NDRG2: variants seen among roughly 807,000 people sequenced by gnomAD.
The protein encoded by NDRG2 is NDRG family member 2, also known as protein NDRG2.
NDRG2 carries 34 observed loss-of-function variants against 58.2 expected under a neutral mutation model. That is an observed-to-expected ratio of 0.58 (90% confidence interval 0.44 to 0.78). The LOEUF is 0.78. Ranked by LOEUF, NDRG2 falls within the 30% of genes least tolerant of loss-of-function variation. NDRG2 has a pLI of 0.00. For missense variants in NDRG2, 434 were observed against 471.2 expected, an observed-to-expected ratio of 0.92 and a Z score of 0.73; for synonymous variants, 187 against 175.9, an observed-to-expected ratio of 1.06 and a Z score of -0.50.
At chr14:21,023,004 A>G (rs1291684392) in intron 2 of NDRG2, 99 bp from the exon 3 acceptor site, 1 of 1,349,920 alleles carries the variant, frequency 7.4e-7, no homozygotes. Flanking sequence ...AGACAGACCA[A>G]CAAATGACCA....
chr14:21,033,903 A>C (rs1485616079), intron 1 of NDRG2: 2 of 1,614,044 alleles, frequency 1.2e-6, no homozygotes, highest in South Asian at 1.1e-5. Flanking sequence ...CTGGTTGGTT[A>C]GGGTGCTATT....
In NDRG2 at chr14:21,064,532, C is replaced by T. The variant is rs529147040; in HGVS notation, c.24+6296G>A. On this transcript the variant is annotated intron_variant, in intron 1 of 14. Transcript: ENST00000403829. ...GGCCAGGCTCGTCTTGAACTCCTGA[C>T]CTCAGGTGACCCGCCCACCTCGGCC... 1.6e-4 allele frequency among the ~76,000 whole-genome samples: 24 copies of T among 152,262 alleles called. No homozygotes were observed. The South Asian group carries it at 5.0e-3, about 32-fold the overall frequency.
intron 1 of NDRG2, chr14:21,031,394 T>C (rs1021905656): frequency 9.3e-6 from 5 of 536,434 alleles, no homozygotes; most frequent in African/African-American, 5.8e-5. Flanking sequence ...TCCAAGTGTC[T>C]AGTATCTGAG....
intron 1 of NDRG2, among the ~76,000 whole-genome samples, chr14:21,037,469 A>G (rs1261795): frequency 0.32 from 48,065 of 152,214 alleles, 7,680 homozygotes; most frequent in East Asian, 0.41. Context: ...CTAATTCAGT[A>G]GTTCCAGGGA....
chr14:21,063,086 C>T (rs1310725530), intron 1 of NDRG2, among the ~76,000 whole-genome samples: 1 of 151,750 alleles, frequency 6.6e-6, no homozygotes, highest in Non-Finnish European at 1.5e-5. Flanking sequence ...GCTGAGATTT[C>T]ACCACTGTAC....
In NDRG2 at chr14:21,021,750, G is replaced by C. The variant is rs138134943; in HGVS notation, c.407+67C>G. 2.5e-4 allele frequency: 386 copies of C among 1,530,724 alleles called. 1 individual carries two copies. In the African/African-American group the frequency reaches 3.7e-3, roughly 15 times the overall value. 94.8% of individuals were successfully genotyped at this position (1,530,724 alleles called of 1,614,324 possible). On this transcript the variant is annotated intron_variant, in intron 6 of 15. Coordinates refer to ENST00000556147, the MANE Select transcript of NDRG2 (RefSeq NM_001320329.2). Reference sequence around the variant, plus strand: ...TGGCTCAGGAACCACGGTGAACCTGGAAGTTCTAAGGGTCTCCTTGTGCTG... The same window carrying C: ...TGGCTCAGGAACCACGGTGAACCTGCAAGTTCTAAGGGTCTCCTTGTGCTG...
rs188072803 is a variant in NDRG2, at chr14:21,057,333, G to A, written c.24+13495C>T. 2.3e-3 allele frequency among the ~76,000 whole-genome samples: 349 copies of A among 152,130 alleles called. 2 individuals are homozygous for A. Among genetic ancestry groups the A allele is most frequent in the African/African-American group, 7.3e-3 (304 of 41,474 alleles). The stretch of plus-strand genomic sequence containing the variant: ...TGCCTGTAATCCCAGCTACTTGGGA[G>A]GCTGAGGCAGGAGAATTGCTTGAAC... On this transcript the variant is annotated intron_variant, in intron 1 of 14. Transcript: ENST00000403829.
intron 1 of NDRG2, among the ~76,000 whole-genome samples, chr14:21,066,380 C>T (rs7156204): frequency 0.9 from 135,310 of 149,938 alleles, 61,149 homozygotes; most frequent in Admixed American, 0.93. Context: ...AGTGCAGTGG[C>T]ACGATCTCGG....
intron 1 of NDRG2, among the ~76,000 whole-genome samples, chr14:21,067,761 T>TACACACACACAC: frequency 6.7e-6 from 1 of 150,126 alleles, no homozygotes; most frequent in South Asian, 2.1e-4. Context: ...TGTACACACG[T>TACACACACACAC]ACACACACAC....
intron 1 of NDRG2, 164 bp downstream of exon 1, chr14:21,023,866 A>C: frequency 1.6e-6 from 1 of 640,140 alleles, no homozygotes; most frequent in Non-Finnish European, 1.9e-6. Context: ...AAACAACATA[A>C]AAGGGACATC....
Position 21,017,125 on chromosome 14 carries a change from C to A in NDRG2, c.*471G>T. ...CACCAGCAAGTCTCCCCCTGACACA[C>A]ATTCACGTAGGTCCATACCCTTCAG... On this transcript the variant is annotated 3_prime_UTR_variant, in exon 16 of 16. Transcript: ENST00000556147. The A allele has an allele frequency of 2.4e-6, 1 of 417,276 alleles. No homozygotes were observed. Among genetic ancestry groups the A allele is most frequent in the Non-Finnish European group, 4.9e-6 (1 of 204,650 alleles). 25.8% of individuals were successfully genotyped at this position (417,276 alleles called of 1,614,324 possible).
chr14:21,064,622 G>T (rs903701605), intron 1 of NDRG2, among the ~76,000 whole-genome samples: 1 of 152,144 alleles, frequency 6.6e-6, no homozygotes, highest in Non-Finnish European at 1.5e-5. Flanking sequence ...TTTAACTAAA[G>T]ACAATGTAGG....
At chr14:21,025,269 C>T (rs1883308495), upstream of NDRG2, 2 of 892,772 alleles carry the variant, frequency 2.2e-6, no homozygotes, top group Non-Finnish European at 2.7e-6. This position sits in a 1 kb window ranked among gnomAD's most constrained non-coding sequence, Gnocchi z 5.1. Flanking sequence ...CGCTTCCAGG[C>T]TCTGCTCGGC....
intron 1 of NDRG2, among the ~76,000 whole-genome samples, chr14:21,062,285 T>C (rs1484036251): frequency 6.6e-6 from 1 of 152,230 alleles, no homozygotes; most frequent in Non-Finnish European, 1.5e-5. Flanking sequence ...TGATTATATT[T>C]TCCGGTGTTA....
chr14:21,035,301 A>T (rs1348060543), intron 1 of NDRG2, among the ~76,000 whole-genome samples: 1 of 152,216 alleles, frequency 6.6e-6, no homozygotes, highest in East Asian at 1.9e-4. Flanking sequence ...GGCAGTTTGG[A>T]TTTGAAAGCA....
Position 21,070,240 on chromosome 14 carries a change from G to C in NDRG2, c.24+588C>G. 1.4e-6 allele frequency: 1 copy of C among 727,398 alleles called. No individual in the cohort carries two copies. The highest frequency in any genetic ancestry group is 1.8e-6 in the Non-Finnish European group (1 of 548,782). The allele number at this position is 727,398 out of a possible 1,614,324, so 45.1% of individuals were successfully genotyped here. On this transcript the variant is annotated intron_variant, in intron 1 of 14. Transcript: ENST00000403829. This position sits in a 1 kb window ranked among gnomAD's most constrained non-coding sequence, Gnocchi z 4.7. ...CGGCCGTCTCGGCCCTCCCTGGCGGGGCCCCGCGGCCTGGAAGCCGGAGCG... is the reference window on the plus strand; with the variant it reads ...CGGCCGTCTCGGCCCTCCCTGGCGGCGCCCCGCGGCCTGGAAGCCGGAGCG...
upstream of NDRG2, among the ~76,000 whole-genome samples, chr14:21,026,460 C>G (rs902305508): frequency 9.9e-5 from 15 of 151,040 alleles, no homozygotes; most frequent in African/African-American, 2.4e-4. Context: ...GACTGCCCCC[C>G]CAAGACCCCC....
rs371705170 is a variant in NDRG2, at chr14:21,022,194, C to T, written c.224-12G>A. On this transcript the variant is annotated splice_polypyrimidine_tract_variant and intron_variant, in intron 4 of 15. Transcript: ENST00000556147. ...GAAGCAAGATTTATCTAAAGAGAAC[C>T]CACATCACCTCAACAATAGAATCAG... is the stretch of plus-strand genomic sequence containing the variant. 5 of 1,614,142 alleles carry T rather than the reference C, an allele frequency of 3.1e-6. No individual in the cohort carries two copies. The highest frequency in any genetic ancestry group is 4.2e-6 in the Non-Finnish European group (5 of 1,180,038).
At chr14:21,023,981 C>A in intron 1 of NDRG2, 49 bp downstream of exon 1, 1 of 986,034 alleles carries the variant, frequency 1.0e-6, no homozygotes, top group Non-Finnish European at 1.2e-6. Flanking sequence ...AGCACCTGGA[C>A]AGACCTGCAC....
Sources: gnomAD v4.1 joint callset for allele counts (sites outside exome capture counted in the v4.1 genomes callset) on GRCh38, gnomAD v4.1.1 for gene constraint, Gnocchi (gnomAD v3.1) non-coding constraint, MANE v1.5 for transcripts, NCBI Gene and HGNC (gene_info 2026-07-23, HGNC 2026-07-21) for gene names.